Variants in CTNNA3 observed in about 807,000 individuals in gnomAD.
The protein encoded by CTNNA3 is catenin alpha 3.
In CTNNA3, 76 loss-of-function variants were observed where a neutral mutation model predicts 95.7. The ratio of observed to expected loss-of-function variants is 0.79; its 90% CI spans 0.66 to 0.96. The LOEUF (loss-of-function observed/expected upper bound fraction) is 0.96, where lower values mean the gene tolerates loss of function less well. Ranked by LOEUF, CTNNA3 falls within the 40% of genes least tolerant of loss-of-function variation. The pLI, the probability that CTNNA3 is intolerant of heterozygous loss-of-function variation, is 0.00. For missense variants in CTNNA3, 1,191 were observed against 1,089.8 expected, an observed-to-expected ratio of 1.09 and a Z score of -1.31; for synonymous variants, 431 against 374.4, an observed-to-expected ratio of 1.15 and a Z score of -1.74.
At chr10:67,391,852 T>A (rs1844505406) in intron 5 of CTNNA3, among the ~76,000 whole-genome samples, 1 of 151,528 alleles carries the variant, frequency 6.6e-6, no homozygotes, top group African/African-American at 2.4e-5. Context: ...GGCTACCCAT[T>A]TGTAGAAAGC....
chr10:66,037,798 C>T (rs1373998152), intron 15 of CTNNA3, among the ~76,000 whole-genome samples: 2 of 152,196 alleles, frequency 1.3e-5, no homozygotes. Context: ...CGTGTTGTTA[C>T]TGCTGCTAGA....
chr10:66,243,818 A>C (rs903584968), intron 13 of CTNNA3, among the ~76,000 whole-genome samples: 1 of 152,166 alleles, frequency 6.6e-6, no homozygotes, highest in Non-Finnish European at 1.5e-5. Context: ...TTGACCAAAG[A>C]GCCCTTGGGT....
intron 1 of CTNNA3, among the ~76,000 whole-genome samples, chr10:67,722,039 G>A (rs954757550): frequency 6.6e-6 from 1 of 152,068 alleles, no homozygotes; most frequent in South Asian, 2.1e-4. Flanking sequence ...GGTCTTGCCG[G>A]GAGCTGCAGA....
chr10:67,544,208 A>G (rs140909248), intron 3 of CTNNA3, among the ~76,000 whole-genome samples: 1 of 152,184 alleles, frequency 6.6e-6, no homozygotes. Flanking sequence ...ATTAAAAGTT[A>G]TAATTTGCTT....
At chr10:66,665,856 T>C (rs1273321076) in intron 9 of CTNNA3, among the ~76,000 whole-genome samples, 1 of 152,132 alleles carries the variant, frequency 6.6e-6, no homozygotes, top group Non-Finnish European at 1.5e-5. Flanking sequence ...GATTACACTT[T>C]CCAAAAAATG....
intron 10 of CTNNA3, among the ~76,000 whole-genome samples, chr10:66,538,028 A>G (rs776315336): frequency 2.4e-4 from 36 of 152,214 alleles, no homozygotes; most frequent in Non-Finnish European, 4.3e-4. Flanking sequence ...ATCATGAAGT[A>G]GTAAAGAATC....
At chr10:66,921,760 A>G (rs1032729321) in intron 7 of CTNNA3, among the ~76,000 whole-genome samples, 4 of 152,098 alleles carry the variant, frequency 2.6e-5, no homozygotes, top group African/African-American at 4.8e-5. Context: ...CATAGTACAT[A>G]TGACCTACTA....
At chr10:66,701,292 T>C (rs530819360) in intron 9 of CTNNA3, among the ~76,000 whole-genome samples, 3 of 152,278 alleles carry the variant, frequency 2.0e-5, no homozygotes, top group Non-Finnish European at 4.4e-5. Context: ...AATCAGGCAG[T>C]CTTAGTCCCC....
At chr10:66,674,020 AT>A (rs5785775) in intron 9 of CTNNA3, among the ~76,000 whole-genome samples, 82,916 of 150,630 alleles carry the variant, frequency 0.55, 23,361 homozygotes, top group African/African-American at 0.67. Context: ...GCACTTGTTA[AT>A]TTTTTTTTTG....
At chr10:66,109,758 C>T (rs964419895) in intron 13 of CTNNA3, among the ~76,000 whole-genome samples, 1 of 151,284 alleles carries the variant, frequency 6.6e-6, no homozygotes, top group Non-Finnish European at 1.5e-5. Context: ...AAGAAGATAT[C>T]AGAAAATGTA....
intron 12 of CTNNA3, among the ~76,000 whole-genome samples, chr10:66,309,918 TAAATAAATAAATAAA>T (rs1472202257): frequency 2.5e-5 from 2 of 79,876 alleles, no homozygotes; most frequent in Non-Finnish European, 2.7e-5. Context: ...AATAAATAAA[TAAATAAATAAATAAA>T]TAAATAAATA....
At chr10:66,439,032 A>G (rs4522057) in intron 11 of CTNNA3, among the ~76,000 whole-genome samples, 58,085 of 151,932 alleles carry the variant, frequency 0.38, 11,668 homozygotes, top group African/African-American at 0.5. Flanking sequence ...CCCACTGTGT[A>G]ACCAGTCCCA....
At position 67,083,620 on chromosome 10, in the gene CTNNA3, T is replaced by G. The variant is rs190720276; in HGVS notation, c.1047+96697A>C. 6.6e-5 allele frequency among the ~76,000 whole-genome samples: 10 copies of G among 152,358 alleles called. 1 individual carries two copies. In the South Asian group the frequency reaches 2.1e-3, roughly 32 times the overall value. ...GAATTATTCAGATACTAGACAGTGA[T>G]AGCAGTTTCACAATAAGAACTTGTG... is the stretch of plus-strand genomic sequence containing the variant. On this transcript the variant is annotated intron_variant, in intron 7 of 17. Transcript: ENST00000433211.
intron 11 of CTNNA3, among the ~76,000 whole-genome samples, chr10:66,409,805 C>G (rs1008694812): frequency 2.0e-5 from 3 of 152,124 alleles, no homozygotes; most frequent in African/African-American, 7.2e-5. Flanking sequence ...AAACCAAGAA[C>G]CTGATTATAT....
chr10:67,066,226 T>C (rs1397284370), intron 7 of CTNNA3, among the ~76,000 whole-genome samples: 1 of 148,348 alleles, frequency 6.7e-6, no homozygotes, highest in Non-Finnish European at 1.5e-5. Flanking sequence ...ACAGTCTTGC[T>C]CCATCGCCCA....
intron 3 of CTNNA3, among the ~76,000 whole-genome samples, chr10:67,555,229 C>T (rs12355308): frequency 0.095 from 14,399 of 152,046 alleles, 1,268 homozygotes; most frequent in African/African-American, 0.24. Context: ...ATTGTCTTGG[C>T]AATGCGGGCT....
intron 5 of CTNNA3, among the ~76,000 whole-genome samples, chr10:67,380,020 CAAAAAAAA>C (rs10591803): frequency 1.5e-4 from 11 of 74,086 alleles, no homozygotes; most frequent in South Asian, 5.4e-4. Flanking sequence ...GACTCCGTCT[CAAAAAAAA>C]AAAAAAAAAA....
intron 13 of CTNNA3, among the ~76,000 whole-genome samples, chr10:66,105,270 C>A (rs1158771960): frequency 1.3e-5 from 2 of 152,182 alleles, no homozygotes; most frequent in African/African-American, 4.8e-5. Context: ...TCTATACAAT[C>A]ATATATCGCA....
intron 5 of CTNNA3, among the ~76,000 whole-genome samples, chr10:67,230,860 G>A (rs1221138939): frequency 1.3e-5 from 2 of 152,202 alleles, no homozygotes; most frequent in African/African-American, 4.8e-5. Context: ...TGCCTCACTC[G>A]GGAAGCGCAG....
Sources: allele counts gnomAD v4.1 joint callset (sites outside exome capture counted in the v4.1 genomes callset), GRCh38; gene constraint gnomAD v4.1.1; transcripts MANE v1.5; gene names NCBI Gene and HGNC (gene_info 2026-07-23, HGNC 2026-07-21).